WWOX: variants seen among roughly 807,000 people sequenced by gnomAD.
WWOX encodes WW domain-containing oxidoreductase.
WWOX carries 69 observed loss-of-function variants against 46.2 expected under a neutral mutation model. The observed-to-expected ratio is 1.49, with a 90% confidence interval of 1.23 to 1.82. The LOEUF is 1.82. Ranked by LOEUF, WWOX falls within the 40% of genes most tolerant of loss-of-function variation. The pLI is 0.00. For missense variants in WWOX, 919 were observed against 542.6 expected, an observed-to-expected ratio of 1.69 and a Z score of -6.89; for synonymous variants, 359 against 202.6, an observed-to-expected ratio of 1.77 and a Z score of -6.56.
intron 8 of WWOX, among the ~76,000 whole-genome samples, chr16:78,498,760 G>A (rs2084980608): frequency 6.6e-6 from 1 of 152,106 alleles, no homozygotes; most frequent in South Asian, 2.1e-4. Flanking sequence ...TGGCATGATG[G>A]CATGATCATA....
In WWOX at chr16:78,343,460, A is replaced by G. The variant is rs370409472; in HGVS notation, c.517-43400A>G. On this transcript the variant is annotated intron_variant, in intron 5 of 8. Transcript: ENST00000566780. Reference sequence around the variant, plus strand: ...CATTTTTGGTGGGACCTGAAGATGTATATCCCTTGTTTTCAGATTCCTCGC... The same window carrying G: ...CATTTTTGGTGGGACCTGAAGATGTGTATCCCTTGTTTTCAGATTCCTCGC... 2.5e-5 allele frequency among the ~76,000 whole-genome samples: 3 copies of G among 120,960 alleles called. 1 individual carries two copies. The highest frequency in any genetic ancestry group is 1.9e-4 in the East Asian group (1 of 5,154). The allele number at this position is 120,960 out of a possible 152,430, so 79.4% of individuals were successfully genotyped here.
intron 8 of WWOX, among the ~76,000 whole-genome samples, chr16:78,454,656 C>G (rs2083774206): frequency 6.7e-6 from 1 of 150,344 alleles, no homozygotes; most frequent in Non-Finnish European, 1.5e-5. Flanking sequence ...CAGGCATGCG[C>G]CACCATACCT....
intron 8 of WWOX, among the ~76,000 whole-genome samples, chr16:79,183,755 G>T (rs2050958379): frequency 6.6e-6 from 1 of 152,110 alleles, no homozygotes; most frequent in South Asian, 2.1e-4. Flanking sequence ...ATGAGAAAAT[G>T]GAGGCACAAA....
chr16:78,823,105 A>G (rs544139228), intron 8 of WWOX, among the ~76,000 whole-genome samples: 1 of 152,312 alleles, frequency 6.6e-6, no homozygotes, highest in African/African-American at 2.4e-5. Context: ...GTTATCTCAA[A>G]TTAAATCTTA....
chr16:78,614,542 G>T (rs191483410), intron 8 of WWOX, among the ~76,000 whole-genome samples: 3 of 152,162 alleles, frequency 2.0e-5, no homozygotes, highest in Admixed American at 1.3e-4. Context: ...CTGACCTTGG[G>T]GAGCAGATTG....
chr16:79,163,625 G>A (rs915736434), intron 8 of WWOX, among the ~76,000 whole-genome samples: 3 of 151,934 alleles, frequency 2.0e-5, no homozygotes, highest in South Asian at 2.1e-4. Flanking sequence ...ATGGAGAAAC[G>A]CCATCTCTAC....
At chr16:78,307,267 A>G (rs1200423194) in intron 5 of WWOX, among the ~76,000 whole-genome samples, 1 of 152,230 alleles carries the variant, frequency 6.6e-6, no homozygotes, top group Non-Finnish European at 1.5e-5. Flanking sequence ...TGTTTCTTGA[A>G]CAAGTGAATA....
At chr16:78,920,018 C>T (rs1211962798) in intron 8 of WWOX, among the ~76,000 whole-genome samples, 1 of 152,142 alleles carries the variant, frequency 6.6e-6, no homozygotes, top group African/African-American at 2.4e-5. Flanking sequence ...CACTGAGGGT[C>T]ATTGTATCAG....
At chr16:79,071,820 G>A (rs748701578) in intron 8 of WWOX, among the ~76,000 whole-genome samples, 1 of 152,224 alleles carries the variant, frequency 6.6e-6, no homozygotes, top group African/African-American at 2.4e-5. Context: ...AGGGACAAGT[G>A]TGTTGGGAGC....
At chr16:78,311,761 G>A (rs755464590) in intron 5 of WWOX, among the ~76,000 whole-genome samples, 4 of 142,282 alleles carry the variant, frequency 2.8e-5, no homozygotes, top group Non-Finnish European at 6.0e-5. Context: ...ATTACTTAAC[G>A]TAATAATTAT....
At chr16:78,859,622 C>G (rs1479330542) in intron 8 of WWOX, among the ~76,000 whole-genome samples, 1 of 152,140 alleles carries the variant, frequency 6.6e-6, no homozygotes, top group Admixed American at 6.6e-5. Context: ...TTTTATGTGT[C>G]AGTCCCTAAA....
chr16:78,964,942 G>A (rs1307676993), intron 8 of WWOX, among the ~76,000 whole-genome samples: 1 of 152,252 alleles, frequency 6.6e-6, no homozygotes, highest in Non-Finnish European at 1.5e-5. Flanking sequence ...TCCATGTGGT[G>A]TTGAGTGTGT....
chr16:78,108,428 C>G lies in WWOX; in HGVS notation c.113C>G (p.Thr38Ser). Residue 38 changes from threonine (T) to serine (S), a missense_variant, in exon 2 of 9, where the codon ACC becomes AGC. Thr to Ser is a moderately conservative substitution (Grantham distance 58). Coordinates refer to ENST00000566780, the MANE Select transcript of WWOX (RefSeq NM_016373.4). ...KDGWVYYANH[T>S]EEKTQWEHPK... ...GATTTTTTGTTTTTTAACAGTCACACCGAGGAGAAGACTCAGTGGGAACAT... is the reference window on the plus strand; with the variant it reads ...GATTTTTTGTTTTTTAACAGTCACAGCGAGGAGAAGACTCAGTGGGAACAT... 1.2e-6 allele frequency: 2 copies of G among 1,613,146 alleles called. No individual in the cohort carries two copies. Among genetic ancestry groups the G allele is most frequent in the Non-Finnish European group, 8.5e-7 (1 of 1,179,670 alleles).
intron 8 of WWOX, among the ~76,000 whole-genome samples, chr16:78,801,084 C>G (rs1402005710): frequency 6.6e-6 from 1 of 151,410 alleles, no homozygotes; most frequent in Non-Finnish European, 1.5e-5. Flanking sequence ...GACAGAGTCT[C>G]ACTCTGTTGC....
At chr16:78,916,913 G>A (rs1472497267) in intron 8 of WWOX, among the ~76,000 whole-genome samples, 3 of 152,122 alleles carry the variant, frequency 2.0e-5, no homozygotes, top group African/African-American at 7.2e-5. Context: ...GTGGTAAGGG[G>A]ATCAGGTAAA....
chr16:78,291,656 TG>T (rs2079860318), intron 5 of WWOX, among the ~76,000 whole-genome samples: 1 of 152,166 alleles, frequency 6.6e-6, no homozygotes. Flanking sequence ...TAACGTTTCT[TG>T]GGATTTTCAG....
intron 5 of WWOX, among the ~76,000 whole-genome samples, chr16:78,321,965 T>C (rs949686010): frequency 6.6e-6 from 1 of 152,198 alleles, no homozygotes; most frequent in Non-Finnish European, 1.5e-5. Flanking sequence ...GTGACAGACC[T>C]GCAGAGACAG....
chr16:79,114,137 T>C lies in WWOX; in HGVS notation c.1057-97471T>C, dbSNP rs74507103. 9.9e-4 allele frequency among the ~76,000 whole-genome samples: 151 copies of C among 152,200 alleles called. 1 individual carries two copies. In the East Asian group the frequency reaches 0.023, roughly 23 times the overall value. ...GATTTGAACCCAGATGACTACAGAG[T>C]TCATGCTTTTAATTGCTGCTTGTTA... On this transcript the variant is annotated intron_variant, in intron 8 of 8. Coordinates refer to ENST00000566780, the MANE Select transcript of WWOX (RefSeq NM_016373.4).
intron 6 of WWOX, among the ~76,000 whole-genome samples, chr16:78,419,601 C>G (rs542051336): frequency 1.3e-5 from 1 of 78,170 alleles, no homozygotes; most frequent in East Asian, 4.3e-4. Flanking sequence ...ATCACACTTG[C>G]ATAAACTACA....
Sources: gnomAD v4.1 joint callset for allele counts (sites outside exome capture counted in the v4.1 genomes callset) on GRCh38, gnomAD v4.1.1 for gene constraint, MANE v1.5 for transcripts, NCBI Gene and HGNC (gene_info 2026-07-23, HGNC 2026-07-21) for gene names.